CDKN2B-AS1: variants seen among roughly 807,000 people sequenced by gnomAD.
The protein encoded by CDKN2B-AS1 is CDKN2B antisense RNA 1 (non-protein coding).
intron 4 of CDKN2B-AS1, among the ~76,000 whole-genome samples, chr9:22,101,827 T>G (rs1163767610): frequency 6.6e-6 from 1 of 152,144 alleles, no homozygotes; most frequent in East Asian, 1.9e-4. Flanking sequence ...TATCTCTGAC[T>G]ATACCAAGGA....
At chr9:22,026,025 G>A (rs1234852896) in intron 1 of CDKN2B-AS1, among the ~76,000 whole-genome samples, 1 of 152,066 alleles carries the variant, frequency 6.6e-6, no homozygotes, top group Non-Finnish European at 1.5e-5. Flanking sequence ...AACACCAGTT[G>A]GGGTAGCCGG....
intron 4 of CDKN2B-AS1, among the ~76,000 whole-genome samples, chr9:22,082,733 G>A (rs776863651): frequency 6.6e-6 from 1 of 152,186 alleles, no homozygotes; most frequent in Non-Finnish European, 1.5e-5. Context: ...AGAGGATTGT[G>A]TTTACCAACT....
chr9:22,012,780 A>T (rs1003003880), intron 1 of CDKN2B-AS1, among the ~76,000 whole-genome samples: 1 of 148,314 alleles, frequency 6.7e-6, no homozygotes, highest in African/African-American at 2.6e-5. Flanking sequence ...GGCTTTTTCA[A>T]ATTTTTTATG....
At chr9:22,025,068 A>C (rs10811644) in intron 1 of CDKN2B-AS1, among the ~76,000 whole-genome samples, 1 of 152,012 alleles carries the variant, frequency 6.6e-6, no homozygotes, top group South Asian at 2.1e-4. Context: ...CTGTCCATGC[A>C]CTGCTGTAGA....
chr9:22,091,072 A>G (rs1248068023), intron 4 of CDKN2B-AS1, among the ~76,000 whole-genome samples: 2 of 152,150 alleles, frequency 1.3e-5, no homozygotes, highest in African/African-American at 4.8e-5. Flanking sequence ...AGCACCATCT[A>G]TTAAATAGGG....
At chr9:22,012,211 C>T in intron 1 of CDKN2B-AS1, 1 of 1,405,346 alleles carries the variant, frequency 7.1e-7, no homozygotes, top group Admixed American at 1.7e-5. Context: ...AGGTCGAGCC[C>T]AGTGACACCA....
intron 1 of CDKN2B-AS1, chr9:22,008,543 C>G (rs1821307071): frequency 7.7e-6 from 7 of 905,248 alleles, no homozygotes; most frequent in Non-Finnish European, 1.1e-5. Context: ...CCAATTCAGT[C>G]TATTCCTTGC....
chr9:22,028,614 C>T (rs1822336894), intron 1 of CDKN2B-AS1, among the ~76,000 whole-genome samples: 1 of 151,988 alleles, frequency 6.6e-6, no homozygotes, highest in Admixed American at 6.6e-5. Context: ...AGTTTCAAAA[C>T]AAATTAAAAT....
At chr9:22,008,664 G>C in intron 1 of CDKN2B-AS1, 1 of 1,605,908 alleles carries the variant, frequency 6.2e-7, no homozygotes. Flanking sequence ...TTTTACGCGT[G>C]GAATGCACAC....
intron 4 of CDKN2B-AS1, among the ~76,000 whole-genome samples, chr9:22,080,913 A>G (rs1163307570): frequency 2.0e-5 from 3 of 152,154 alleles, no homozygotes; most frequent in Non-Finnish European, 4.4e-5. Flanking sequence ...TATTTGAAAT[A>G]TTTTGTGTTT....
intron 4 of CDKN2B-AS1, among the ~76,000 whole-genome samples, chr9:22,091,150 T>A (rs1825068942): frequency 6.6e-6 from 1 of 152,188 alleles, no homozygotes; most frequent in Non-Finnish European, 1.5e-5. Context: ...TATGTGGCAT[T>A]ATTTCTGAGC....
intron 4 of CDKN2B-AS1, among the ~76,000 whole-genome samples, chr9:22,125,010 GTCTC>G (rs757235750): frequency 1.5e-4 from 23 of 152,304 alleles, no homozygotes; most frequent in East Asian, 1.2e-3. Flanking sequence ...TTCTCTCTCA[GTCTC>G]TCTCTATGTT....
At position 22,094,965 on chromosome 9, in the gene CDKN2B-AS1, G is replaced by C. The variant is rs1454578030; in HGVS notation, n.439-32138G>C. ...GTTTTATCTACCTTTGGTGTTTGATGATGGTGACGTACAGATGGGGTTTTG... is the reference window on the plus strand; with the variant it reads ...GTTTTATCTACCTTTGGTGTTTGATCATGGTGACGTACAGATGGGGTTTTG... On this transcript the variant is annotated intron_variant and non_coding_transcript_variant, in intron 4 of 4. Coordinates refer to ENST00000650946, the Ensembl canonical transcript of CDKN2B-AS1. 1.4e-5 allele frequency among the ~76,000 whole-genome samples: 2 copies of C among 144,478 alleles called. 1 individual carries two copies. The highest frequency in any genetic ancestry group is 2.9e-5 in the Non-Finnish European group (2 of 67,894). The allele number at this position is 144,478 out of a possible 152,430, so 94.8% of individuals were successfully genotyped here. A position where few individuals can be genotyped will look rare whatever the true frequency, so the allele number is the denominator to read the frequency against.
intron 1 of CDKN2B-AS1, among the ~76,000 whole-genome samples, chr9:22,032,090 G>C (rs1291269180): frequency 6.6e-6 from 1 of 152,204 alleles, no homozygotes; most frequent in Non-Finnish European, 1.5e-5. Context: ...GCAGTCTTGT[G>C]AGAGATTGTG....
chr9:22,077,986 A>G (rs1231962284), intron 4 of CDKN2B-AS1: 1 of 152,186 alleles, frequency 6.6e-6, no homozygotes, highest in Non-Finnish European at 1.5e-5. Flanking sequence ...ACACTGCTTC[A>G]TATTTTTAAG....
At chr9:22,111,096 CATTTT>C (rs1825793579) in intron 4 of CDKN2B-AS1, among the ~76,000 whole-genome samples, 1 of 151,990 alleles carries the variant, frequency 6.6e-6, no homozygotes, top group Non-Finnish European at 1.5e-5. Flanking sequence ...GAGTTGTTCC[CATTTT>C]ATTTATTTAT....
chr9:22,070,528 A>G (rs1458236765), intron 4 of CDKN2B-AS1, among the ~76,000 whole-genome samples: 1 of 152,146 alleles, frequency 6.6e-6, no homozygotes, highest in Non-Finnish European at 1.5e-5. Context: ...TTCCCAGGGA[A>G]AGTGATGCTT....
intron 4 of CDKN2B-AS1, chr9:22,058,329 C>T (rs1234473207): frequency 6.6e-6 from 1 of 152,230 alleles, no homozygotes; most frequent in East Asian, 1.9e-4. Flanking sequence ...CATTTATTTA[C>T]TTTTTTCCCT....
chr9:22,057,944 T>C (rs1458507768), intron 4 of CDKN2B-AS1, among the ~76,000 whole-genome samples: 1 of 151,016 alleles, frequency 6.6e-6, no homozygotes, highest in Non-Finnish European at 1.5e-5. Flanking sequence ...GGTGAAACCC[T>C]GTCTCTACTA....
Sources: allele counts gnomAD v4.1 joint callset (sites outside exome capture counted in the v4.1 genomes callset), GRCh38; gene constraint gnomAD v4.1.1; transcripts MANE v1.5; gene names NCBI Gene and HGNC (gene_info 2026-07-23, HGNC 2026-07-21).